Variants in ZEB1 observed in about 807,000 individuals in gnomAD.
The protein encoded by ZEB1 is zinc finger E-box-binding homeobox 1.
In ZEB1, 21 loss-of-function variants were observed where a neutral mutation model predicts 84.9. The ratio of observed to expected loss-of-function variants is 0.25; its 90% CI spans 0.18 to 0.36. The LOEUF is 0.36. ZEB1 is among the 10% of genes least tolerant of loss of function. The probability of loss-of-function intolerance (pLI) is 1.00; values close to 1 mark genes in which losing one functional copy is unlikely to be tolerated. For synonymous variants in ZEB1, 420 were observed against 471.1 expected (o/e 0.89, Z 1.41); for missense variants, 1,104 against 1,330.2 (o/e 0.83, Z 2.65).
intron 1 of ZEB1, among the ~76,000 whole-genome samples, chr10:31,429,291 A>G (rs1465817275): frequency 6.6e-6 from 1 of 152,158 alleles, no homozygotes; most frequent in Non-Finnish European, 1.5e-5. Context: ...CTTGTCTGAA[A>G]AGGATCTTGT....
intron 1 of ZEB1, among the ~76,000 whole-genome samples, chr10:31,435,585 AC>A (rs1360223476): frequency 6.6e-6 from 1 of 152,172 alleles, no homozygotes; most frequent in Non-Finnish European, 1.5e-5. Flanking sequence ...GAAAAGAAAG[AC>A]CCAGCTGTGT....
intron 1 of ZEB1, among the ~76,000 whole-genome samples, chr10:31,368,723 T>A (rs1450180164): frequency 2.0e-5 from 3 of 152,256 alleles, no homozygotes; most frequent in Non-Finnish European, 4.4e-5. Context: ...AAATATTTTA[T>A]CTTTTTAATA....
rs199820165 is a variant in ZEB1 at position 31,346,557 on chromosome 10, CGT to C, written c.58+27266_58+27267del. Reference sequence around the variant, plus strand: ...TAAATATAAAATTGAAACTTTTGCACGTAGAGTTTTTTTTTTCTTTTTGAGAT... The same window carrying C: ...TAAATATAAAATTGAAACTTTTGCACAGAGTTTTTTTTTTCTTTTTGAGAT... On this transcript the variant is annotated intron_variant, in intron 1 of 8. Coordinates refer to ENST00000424869, the MANE Select transcript of ZEB1 (RefSeq NM_001174096.2). Among the ~76,000 whole-genome samples, 868 of 151,456 alleles carry C rather than the reference CGT, an allele frequency of 5.7e-3. 10 individuals are homozygous for C. Among genetic ancestry groups the C allele is most frequent in the African/African-American group, 0.02 (817 of 41,240 alleles).
At chr10:31,376,503 A>G (rs1040768344) in intron 1 of ZEB1, among the ~76,000 whole-genome samples, 10 of 151,800 alleles carry the variant, frequency 6.6e-5, no homozygotes, top group Admixed American at 4.6e-4. Flanking sequence ...AAACACATGC[A>G]TATTATATAC....
intron 1 of ZEB1, among the ~76,000 whole-genome samples, chr10:31,430,930 A>G (rs978102798): frequency 1.3e-5 from 2 of 152,232 alleles, no homozygotes; most frequent in East Asian, 1.9e-4. Flanking sequence ...ATAAAATCCT[A>G]TGATTCAACT....
chr10:31,453,752 G>C lies in ZEB1; in HGVS notation c.59-7285G>C, dbSNP rs146850931. Reference sequence around the variant, plus strand: ...TAGACCAATAACAAGTTCTGAAATTGAGGCAGTAATTAATAGCCTCCCAAT... The same window carrying C: ...TAGACCAATAACAAGTTCTGAAATTCAGGCAGTAATTAATAGCCTCCCAAT... On this transcript the variant is annotated intron_variant, in intron 1 of 8. Coordinates refer to ENST00000424869, the MANE Select transcript of ZEB1 (RefSeq NM_001174096.2). Among the ~76,000 whole-genome samples, 2,121 of 152,218 alleles carry C rather than the reference G, an allele frequency of 0.014. 115 individuals are homozygous for C. The East Asian group carries it at 0.18, about 13-fold the overall frequency.
intron 2 of ZEB1, among the ~76,000 whole-genome samples, chr10:31,465,459 A>ATATAT (rs751680695): frequency 3.3e-5 from 5 of 149,762 alleles, no homozygotes; most frequent in African/African-American, 9.7e-5. Context: ...GATTGCAAAA[A>ATATAT]ATATATATAT....
At chr10:31,493,151 C>T (rs1419795008) in intron 2 of ZEB1, among the ~76,000 whole-genome samples, 1 of 151,930 alleles carries the variant, frequency 6.6e-6, no homozygotes, top group African/African-American at 2.4e-5. Context: ...CCCCTGGCAA[C>T]CACTAATCTC....
chr10:31,370,648 G>C (rs1275296731), intron 1 of ZEB1, among the ~76,000 whole-genome samples: 2 of 152,142 alleles, frequency 1.3e-5, no homozygotes, highest in Non-Finnish European at 2.9e-5. Flanking sequence ...CTAATGAGGT[G>C]AATGTCTGAA....
rs536596340 is a variant in ZEB1 at position 31,459,953 on chromosome 10, G to T, written c.59-1084G>T. 2.7e-5 allele frequency among the ~76,000 whole-genome samples: 4 copies of T among 150,802 alleles called. No individual in the cohort carries two copies. In the South Asian group the frequency reaches 8.4e-4, roughly 32 times the overall value. ...TTCAAGAATTGTTGGAAAATTTAAG[G>T]AAGCAGTGGAAAGAATAACTGATAG... On this transcript the variant is annotated intron_variant, in intron 1 of 8. Transcript: ENST00000424869.
At chr10:31,409,508 C>T (rs1287969989) in intron 1 of ZEB1, among the ~76,000 whole-genome samples, 1 of 150,584 alleles carries the variant, frequency 6.6e-6, no homozygotes, top group African/African-American at 2.5e-5. Context: ...TTTTTTGGTT[C>T]CGTATGAAGT....
chr10:31,514,744 A>C, intron 6 of ZEB1, 36 bp downstream of exon 6: 15 of 1,454,984 alleles, frequency 1.0e-5, no homozygotes, highest in African/African-American at 1.4e-5. Context: ...CCTGAATATC[A>C]TAGCATATGT....
chr10:31,526,864 A>G lies in ZEB1; in HGVS notation c.2978A>G (p.Glu993Gly). The G allele has an allele frequency of 6.2e-7, 1 of 1,614,202 alleles. No homozygotes were observed. Residue 993 changes from glutamate (E) to glycine (G), a missense_variant, in exon 9 of 9, where the codon GAA becomes GGA. Transcript: ENST00000424869. ...TCCTACTGTAAGAGAGAAGCGGAAG[A>G]ACGTGACAGCACAGAGCAGGAAGAG... is the stretch of plus-strand genomic sequence containing the variant. ...RYSYCKREAE[E>G]RDSTEQEEAG...
At chr10:31,454,839 A>G (rs1302992537) in intron 1 of ZEB1, among the ~76,000 whole-genome samples, 1 of 152,224 alleles carries the variant, frequency 6.6e-6, no homozygotes, top group Non-Finnish European at 1.5e-5. Context: ...CATACTGCCG[A>G]AAGTAATTTA....
intron 1 of ZEB1, among the ~76,000 whole-genome samples, chr10:31,344,253 A>G (rs1170675938): frequency 2.0e-5 from 3 of 152,114 alleles, no homozygotes; most frequent in Non-Finnish European, 4.4e-5. Context: ...GTCAATAATT[A>G]GATTAGATTG....
In ZEB1 at chr10:31,527,146, A is replaced by C. The variant is rs201845244; in HGVS notation, c.3260A>C (p.Glu1087Ala). 85 of 1,609,614 alleles carry C rather than the reference A, an allele frequency of 5.3e-5. No homozygotes were observed. Among genetic ancestry groups the C allele is most frequent in the South Asian group, 1.2e-4 (11 of 90,366 alleles). The stretch of plus-strand genomic sequence containing the variant: ...GAAGAGGCAGAGAATGAGGGAGAAG[A>C]AGCAAAAACTGAAGGTCTGATGAAG... ...EVEEAENEGE[E>A]AKTEGLMKDD... The change falls in exon 9 of 9, where the codon GAA becomes GCA. Residue 1087 changes from glutamate (E) to alanine (A), a missense_variant. Around this residue, in one of 7 missense-constraint regions of ZEB1, gnomAD observed 173 missense variants for 167.0 expected, o/e 1.04. Coordinates refer to ENST00000424869, the MANE Select transcript of ZEB1 (RefSeq NM_001174096.2).
chr10:31,494,747 A>G (rs2066990104), intron 2 of ZEB1, among the ~76,000 whole-genome samples: 1 of 152,002 alleles, frequency 6.6e-6, no homozygotes, highest in African/African-American at 2.4e-5. Context: ...TTCTTAATAC[A>G]CTATTATAAT....
At chr10:31,434,291 C>T (rs938128934) in intron 1 of ZEB1, among the ~76,000 whole-genome samples, 19 of 152,230 alleles carry the variant, frequency 1.2e-4, no homozygotes, top group Admixed American at 1.2e-3. Context: ...AATGCATTCA[C>T]GGAATCTTCA....
intron 2 of ZEB1, among the ~76,000 whole-genome samples, chr10:31,462,950 A>G (rs1200229302): frequency 2.0e-5 from 3 of 152,136 alleles, no homozygotes; most frequent in African/African-American, 7.2e-5. Flanking sequence ...TAAGAATTGG[A>G]AAGGGCTGTT....
Sources: gnomAD v4.1 joint callset for allele counts (sites outside exome capture counted in the v4.1 genomes callset) on GRCh38, gnomAD v4.1.1 for gene constraint, gnomAD v4.1.1 regional missense constraint, MANE v1.5 for transcripts, NCBI Gene and HGNC (gene_info 2026-07-23, HGNC 2026-07-21) for gene names.